ATP10B: variants seen among roughly 807,000 people sequenced by gnomAD.
ATP10B encodes the protein phospholipid-transporting ATPase VB.
ATP10B carries 122 observed loss-of-function variants against 141.2 expected under a neutral mutation model. The ratio of observed to expected loss-of-function variants is 0.86; its 90% CI spans 0.75 to 1.00. The LOEUF is 1.00. Among genes scored for constraint, ATP10B ranks in the 50% least tolerant of loss-of-function variants. The probability of loss-of-function intolerance (pLI) is 0.00; values close to 1 mark genes in which losing one functional copy is unlikely to be tolerated. For missense variants in ATP10B, 1,876 were observed against 1,825.3 expected (o/e 1.03, Z -0.51); for synonymous variants, 685 against 692.0 (o/e 0.99, Z 0.16).
At chr5:160,794,505 G>A (rs574049844) in intron 1 of ATP10B, among the ~76,000 whole-genome samples, 2 of 152,306 alleles carry the variant, frequency 1.3e-5, no homozygotes, top group Admixed American at 1.3e-4. Context: ...TAGAAAACAG[G>A]AGAAGATAGA....
At chr5:160,921,005 T>C in the ATP10B span, among the ~76,000 whole-genome samples, 1 of 152,210 alleles carries the variant, frequency 6.6e-6, no homozygotes, top group African/African-American at 2.4e-5. Flanking sequence ...GAATTATACA[T>C]GCAACACAAA....
intron 24 of ATP10B, among the ~76,000 whole-genome samples, chr5:160,584,590 T>TA (rs1335179602): frequency 1.3e-5 from 2 of 152,194 alleles, no homozygotes; most frequent in Non-Finnish European, 2.9e-5. Context: ...CTTAAGATAC[T>TA]AAAAAAACTG....
At chr5:160,917,133 G>T in the ATP10B span, among the ~76,000 whole-genome samples, 5 of 152,222 alleles carry the variant, frequency 3.3e-5, no homozygotes, top group African/African-American at 1.2e-4. Flanking sequence ...TCATGTGAAA[G>T]CCACTAATCT....
chr5:160,822,496 A>C (rs987890421), intron 1 of ATP10B, among the ~76,000 whole-genome samples: 3 of 152,130 alleles, frequency 2.0e-5, no homozygotes, highest in Admixed American at 2.0e-4. Flanking sequence ...ACAATGCAGC[A>C]ATCTTTTTCA....
intron 23 of ATP10B, 21 bp downstream of exon 23, chr5:160,591,038 G>C (rs1420198449): frequency 1.9e-6 from 3 of 1,595,164 alleles, no homozygotes; most frequent in Non-Finnish European, 2.6e-6. Flanking sequence ...TATGTGGTTA[G>C]AATGGGACTA....
At chr5:160,767,037 G>A (rs776158637) in intron 2 of ATP10B, among the ~76,000 whole-genome samples, 3 of 151,446 alleles carry the variant, frequency 2.0e-5, no homozygotes, top group African/African-American at 4.9e-5. Flanking sequence ...TTTTGGCTTC[G>A]CCGGGCCACA....
intron 24 of ATP10B, among the ~76,000 whole-genome samples, chr5:160,588,715 C>T (rs1220521823): frequency 6.6e-6 from 1 of 152,136 alleles, no homozygotes; most frequent in African/African-American, 2.4e-5. Context: ...ACACCTAACA[C>T]AAAGGGCTCT....
chr5:160,640,807 G>A (rs1759801253), intron 9 of ATP10B, among the ~76,000 whole-genome samples: 1 of 152,192 alleles, frequency 6.6e-6, no homozygotes, highest in Non-Finnish European at 1.5e-5. Context: ...ATGCATGCCA[G>A]ACACTGTGGT....
intron 7 of ATP10B, among the ~76,000 whole-genome samples, chr5:160,652,862 T>C (rs1351836576): frequency 2.2e-5 from 2 of 92,890 alleles, no homozygotes; most frequent in Non-Finnish European, 3.8e-5. Flanking sequence ...TTATAAATTA[T>C]ATATAATATA....
At chr5:160,702,055 C>G (rs1764714900) in intron 3 of ATP10B, among the ~76,000 whole-genome samples, 1 of 152,138 alleles carries the variant, frequency 6.6e-6, no homozygotes. Flanking sequence ...CTCCTGGGAG[C>G]ACTTACCCCT....
intron 14 of ATP10B, 110 bp downstream of exon 14, chr5:160,622,284 A>G (rs1383822968): frequency 1.8e-6 from 2 of 1,120,090 alleles, no homozygotes; most frequent in African/African-American, 1.6e-5. Context: ...CACTGTTGCT[A>G]GGACCCAAAT....
the ATP10B span, among the ~76,000 whole-genome samples, chr5:160,885,144 T>C: frequency 6.6e-6 from 1 of 152,206 alleles, no homozygotes; most frequent in Non-Finnish European, 1.5e-5. Flanking sequence ...AGGGAGGTGA[T>C]TAATCAGTAT....
chr5:160,817,009 G>A (rs1359776575), intron 1 of ATP10B, among the ~76,000 whole-genome samples: 4 of 152,052 alleles, frequency 2.6e-5, no homozygotes, highest in Non-Finnish European at 5.9e-5. Context: ...ATATCAAAAT[G>A]ATAAAAGCTA....
chr5:160,888,329 A>G, the ATP10B span, among the ~76,000 whole-genome samples: 4 of 152,358 alleles, frequency 2.6e-5, no homozygotes, highest in Admixed American at 6.5e-5. Context: ...AATGCAGCAG[A>G]GGCCAAGAGA....
the ATP10B span, among the ~76,000 whole-genome samples, chr5:160,902,072 A>G: frequency 6.6e-6 from 1 of 152,218 alleles, no homozygotes; most frequent in Non-Finnish European, 1.5e-5. Context: ...CTGATGGAGG[A>G]AAGGTATGAG....
chr5:160,804,564 C>CA (rs1441011222), intron 1 of ATP10B, among the ~76,000 whole-genome samples: 2 of 152,174 alleles, frequency 1.3e-5, no homozygotes, highest in African/African-American at 2.4e-5. Context: ...GATTCTAACC[C>CA]AGGTTCATAT....
At chr5:160,838,656 A>T (rs891986622) in intron 1 of ATP10B, among the ~76,000 whole-genome samples, 1 of 152,214 alleles carries the variant, frequency 6.6e-6, no homozygotes, top group South Asian at 2.1e-4. Flanking sequence ...GAGAAAAAAA[A>T]GTCAACCATT....
intron 22 of ATP10B, among the ~76,000 whole-genome samples, chr5:160,597,539 A>G (rs1021240808): frequency 1.3e-5 from 2 of 152,204 alleles, no homozygotes; most frequent in Admixed American, 6.5e-5. Context: ...GCCAAAATTG[A>G]CAAATGGGAT....
At chr5:160,652,785 TA>T (rs1387343744) in intron 7 of ATP10B, among the ~76,000 whole-genome samples, 1 of 102,966 alleles carries the variant, frequency 9.7e-6, no homozygotes, top group Non-Finnish European at 1.8e-5. Context: ...TAAATATATA[TA>T]AAAATATATA....
Sources: allele counts gnomAD v4.1 joint callset (sites outside exome capture counted in the v4.1 genomes callset), GRCh38; gene constraint gnomAD v4.1.1; transcripts MANE v1.5; gene names NCBI Gene and HGNC (gene_info 2026-07-23, HGNC 2026-07-21).